DENND2B: variants seen among roughly 807,000 people sequenced by gnomAD.
DENND2B encodes DENN domain containing 2B.
A neutral mutation model predicts 116.0 loss-of-function variants in DENND2B; 32 were observed. That is an observed-to-expected ratio of 0.28 (90% confidence interval 0.21 to 0.37). DENND2B has a LOEUF of 0.37. DENND2B is among the 10% of genes least tolerant of loss of function. DENND2B has a pLI of 1.00. For synonymous variants in DENND2B, 588 were observed against 583.9 expected, an observed-to-expected ratio of 1.01 and a Z score of -0.10; for missense variants, 1,276 against 1,477.7, an observed-to-expected ratio of 0.86 and a Z score of 2.24.
At chr11:8,757,054 C>T in intron 1 of DENND2B, 1 of 456,286 alleles carries the variant, frequency 2.2e-6, no homozygotes, top group South Asian at 1.5e-5. Context: ...ACCTCTGGAA[C>T]TTTTCTACAA....
In DENND2B at chr11:8,715,790, A is replaced by C. The variant is rs1404190238; in HGVS notation, c.1658T>G (p.Leu553Arg). The C allele has an allele frequency of 3.7e-6, 6 of 1,607,754 alleles. No individual in the cohort carries two copies. Among genetic ancestry groups the C allele is most frequent in the Non-Finnish European group, 3.4e-6 (4 of 1,174,942 alleles). The stretch of plus-strand genomic sequence containing the variant: ...CCTTTCTGACCAGTTCCCACTGCGC[A>C]GGGACTGGCTGTTGGGTTTCAGGGA... ...QLSLKPNSQS[L>R]RSGNWSERKS... The change falls in exon 6 of 20, where the codon CTG becomes CGG. Residue 553 changes from leucine (L) to arginine (R), a missense_variant. Physicochemically the swap from Leu to Arg is moderately radical, Grantham distance 102. This residue lies in a region of DENND2B where 856 missense variants were observed against 846.6 expected (regional missense o/e 1.01). Transcript: ENST00000313726.
Position 8,731,193 on chromosome 11 carries a change from G to A in DENND2B, c.97C>T (p.Pro33Ser), listed in dbSNP as rs768368554. Residue 33 changes from proline to serine, a missense_variant, in exon 3 of 20, where the codon CCA becomes TCA. Pro to Ser is a moderately conservative substitution (Grantham distance 74). Around this residue, in one of 2 missense-constraint regions of DENND2B, gnomAD observed 856 missense variants for 846.6 expected, o/e 1.01. Coordinates refer to ENST00000313726, the MANE Select transcript of DENND2B (RefSeq NM_213618.2). ...CTTGGTGGGGAGAGAACTGGAGGTG[G>A]AGAGACTGACTGAGACCTGGGGGCA... ...GTLSRSQSVS[P>S]PPVLSPPRSP... The A allele has an allele frequency of 6.0e-6, 9 of 1,509,954 alleles. No homozygotes were observed. In the Admixed American group the frequency reaches 1.9e-4, roughly 32 times the overall value. The allele number at this position is 1,509,954 out of a possible 1,614,324, so 93.5% of individuals were successfully genotyped here.
intron 1 of DENND2B, among the ~76,000 whole-genome samples, chr11:8,792,959 A>G (rs1343703746): frequency 6.6e-6 from 1 of 152,226 alleles, no homozygotes; most frequent in Non-Finnish European, 1.5e-5. Flanking sequence ...ACTAGGACAC[A>G]TGGGCAAAGA....
At chr11:8,754,046 C>CACACACACACACAT (rs2053149637) in intron 1 of DENND2B, among the ~76,000 whole-genome samples, 1 of 151,984 alleles carries the variant, frequency 6.6e-6, no homozygotes, top group African/African-American at 2.4e-5. Flanking sequence ...CACACACACA[C>CACACACACACACAT]ACACACACAC....
At chr11:8,739,632 G>A (rs966634319) in intron 2 of DENND2B, among the ~76,000 whole-genome samples, 14 of 152,366 alleles carry the variant, frequency 9.2e-5, no homozygotes, top group African/African-American at 2.2e-4. Context: ...CACTTGTGCC[G>A]TGGCCTTGTC....
Position 8,712,622 on chromosome 11 carries a change from C to G in DENND2B, c.2101G>C (p.Val701Leu), listed in dbSNP as rs899652455. ...WQERELFEYF[V>L]VVSLKKKPSR... ...GGCTTCTTCTTGAGGGACACCACCACAAAGTACTCAAAAAGCTCCCGCTCC... is the reference window on the plus strand; with the variant it reads ...GGCTTCTTCTTGAGGGACACCACCAGAAAGTACTCAAAAAGCTCCCGCTCC... The change falls in exon 9 of 20, where the codon GTG becomes CTG. Residue 701 changes from valine to leucine, a missense_variant. Coordinates refer to ENST00000313726, the MANE Select transcript of DENND2B (RefSeq NM_213618.2). The surrounding 1 kb of genome is among the most constrained non-coding windows in gnomAD (Gnocchi z 4.4). The G allele has an allele frequency of 2.6e-6, 4 of 1,568,074 alleles. No individual in the cohort carries two copies. The African/African-American group carries it at 5.4e-5, about 21-fold the overall frequency.
chr11:8,821,119 CAAA>C (rs372858193), intron 4 of DENND2B, among the ~76,000 whole-genome samples: 2 of 102,418 alleles, frequency 2.0e-5, no homozygotes, highest in African/African-American at 3.5e-5. Context: ...GACTCTGCCT[CAAA>C]AAAAAAAAAA....
At chr11:8,786,742 C>T (rs1172857886) in intron 1 of DENND2B, among the ~76,000 whole-genome samples, 8 of 152,134 alleles carry the variant, frequency 5.3e-5, no homozygotes, top group African/African-American at 1.7e-4. Flanking sequence ...CCCAGGAGGT[C>T]GAGGCTTCAA....
chr11:8,740,591 A>G lies in DENND2B; in HGVS notation c.81-9382T>C, dbSNP rs183529322. ...TGGGAAAAAGTCCTAGTAGTCCTGG[A>G]AACAGCCTGAGAGGTACCATGAGTG... On this transcript the variant is annotated intron_variant, in intron 2 of 19. Coordinates refer to ENST00000313726, the MANE Select transcript of DENND2B (RefSeq NM_213618.2). Among the ~76,000 whole-genome samples the G allele has an allele frequency of 8.6e-4, 131 of 152,288 alleles. 1 individual carries two copies. Among genetic ancestry groups the G allele is most frequent in the Non-Finnish European group, 1.5e-3 (105 of 68,024 alleles).
At chr11:8,748,114 G>C (rs1248489066) in intron 2 of DENND2B, among the ~76,000 whole-genome samples, 1 of 152,118 alleles carries the variant, frequency 6.6e-6, no homozygotes, top group Non-Finnish European at 1.5e-5. Context: ...TGATGTGGAA[G>C]TCCCCGACGT....
At chr11:8,886,638 C>T (rs541520300) in intron 1 of DENND2B, among the ~76,000 whole-genome samples, 3 of 151,028 alleles carry the variant, frequency 2.0e-5, no homozygotes, top group African/African-American at 4.9e-5. Context: ...AAAAGGGCAC[C>T]GAGAAATTTT....
rs770430454 is a variant in DENND2B at position 8,731,049 on chromosome 11, G to C, written c.241C>G (p.Gln81Glu). The C allele has an allele frequency of 1.2e-5, 19 of 1,613,974 alleles. No individual in the cohort carries two copies. Among genetic ancestry groups the C allele is most frequent in the Non-Finnish European group, 1.5e-5 (18 of 1,179,998 alleles). Residue 81 changes from glutamine to glutamate, a missense_variant, in exon 3 of 20, where the codon CAA (glutamine) becomes GAA (glutamate). Physicochemically the swap from Gln to Glu is conservative, Grantham distance 29 (BLOSUM62 2). Transcript: ENST00000313726. ...GGGGAAGTATCTGGGGAGGGATCTTGAGGATTCTGGGGTGAAGGAGCTGGG... is the reference window on the plus strand; with the variant it reads ...GGGGAAGTATCTGGGGAGGGATCTTCAGGATTCTGGGGTGAAGGAGCTGGG... ...HPPAPSPQNPQDPSPDTSPPT... is the reference protein window; with the variant it reads ...HPPAPSPQNPEDPSPDTSPPT...
intron 1 of DENND2B, among the ~76,000 whole-genome samples, chr11:8,882,670 A>G (rs1470650292): frequency 6.6e-6 from 1 of 152,208 alleles, no homozygotes; most frequent in Non-Finnish European, 1.5e-5. Flanking sequence ...AAATGCATCT[A>G]TGGTTATTTT....
chr11:8,824,690 ATTT>A (rs777570022), intron 4 of DENND2B, among the ~76,000 whole-genome samples: 2 of 143,430 alleles, frequency 1.4e-5, no homozygotes. Flanking sequence ...ATCAAACAAA[ATTT>A]TTTTTTTTTT....
intron 1 of DENND2B, among the ~76,000 whole-genome samples, chr11:8,890,985 C>G (rs2064024798): frequency 6.6e-6 from 1 of 152,108 alleles, no homozygotes. Flanking sequence ...TAAGGGCAGC[C>G]AGAAAGAAAG....
intron 2 of DENND2B, among the ~76,000 whole-genome samples, chr11:8,861,899 GC>G (rs200034010): frequency 0.031 from 4,719 of 152,224 alleles, 237 homozygotes; most frequent in African/African-American, 0.11. Flanking sequence ...GGAGCTGGAG[GC>G]CATTATTCTA....
chr11:8,735,853 C>T (rs571327499), intron 2 of DENND2B, among the ~76,000 whole-genome samples: 1 of 152,358 alleles, frequency 6.6e-6, no homozygotes, highest in East Asian at 1.9e-4. Flanking sequence ...AAAGAGTTTG[C>T]ACAGCAGGTG....
chr11:8,879,196 C>A (rs2063875917), intron 2 of DENND2B, among the ~76,000 whole-genome samples: 1 of 152,186 alleles, frequency 6.6e-6, no homozygotes. Flanking sequence ...AGAAGTGACA[C>A]ATGTCACTTC....
chr11:8,818,533 G>C (rs2061656986), intron 4 of DENND2B, among the ~76,000 whole-genome samples: 1 of 152,056 alleles, frequency 6.6e-6, no homozygotes, highest in Non-Finnish European at 1.5e-5. Context: ...AGCCCAGACT[G>C]TGCCAACCTC....
Sources: gnomAD v4.1 joint callset for allele counts (sites outside exome capture counted in the v4.1 genomes callset) on GRCh38, gnomAD v4.1.1 for gene constraint, gnomAD v4.1.1 regional missense constraint, Gnocchi (gnomAD v3.1) non-coding constraint, MANE v1.5 for transcripts, NCBI Gene and HGNC (gene_info 2026-07-23, HGNC 2026-07-21) for gene names.